Variants in USO1 observed in about 807,000 individuals in gnomAD.
USO1 encodes general vesicular transport factor p115.
USO1 carries 57 observed loss-of-function variants against 124.5 expected under a neutral mutation model. The observed-to-expected ratio is 0.46, with a 90% confidence interval of 0.37 to 0.57. The LOEUF is 0.57. USO1 is among the 20% of genes least tolerant of loss of function. USO1 has a pLI of 0.00. For synonymous variants in USO1, 369 were observed against 362.8 expected (o/e 1.02, Z -0.19); for missense variants, 900 against 1,040.6 (o/e 0.86, Z 1.86).
intron 4 of USO1, among the ~76,000 whole-genome samples, chr4:75,760,024 C>T (rs1257683620): frequency 6.6e-6 from 1 of 151,898 alleles, no homozygotes; most frequent in Non-Finnish European, 1.5e-5. Flanking sequence ...CCAGTCTCAC[C>T]AACATGGTGA....
In USO1 at chr4:75,739,536, T is replaced by C. The variant is rs1222779971; in HGVS notation, c.67-12837T>C. Among the ~76,000 whole-genome samples, 5 of 127,960 alleles carry C rather than the reference T, an allele frequency of 3.9e-5. No individual in the cohort carries two copies. In the South Asian group the frequency reaches 1.0e-3, roughly 27 times the overall value. The allele number at this position is 127,960 out of a possible 152,430, so 83.9% of individuals were successfully genotyped here. On this transcript the variant is annotated intron_variant, in intron 1 of 23. Coordinates refer to ENST00000514213, the MANE Select transcript of USO1 (RefSeq NM_003715.4). The stretch of plus-strand genomic sequence containing the variant: ...TTTTGCATTTTTGTATTTTATCTTT[T>C]TCTTTTTTTTTTTTTTTTTTTTGAG...
intron 1 of USO1, among the ~76,000 whole-genome samples, chr4:75,746,008 T>G (rs148542444): frequency 2.0e-4 from 30 of 152,366 alleles, no homozygotes; most frequent in African/African-American, 7.2e-4. Flanking sequence ...TAAAAATTTA[T>G]GTCTTTGTCT....
At chr4:75,731,081 T>C (rs1720618314) in intron 1 of USO1, among the ~76,000 whole-genome samples, 1 of 152,200 alleles carries the variant, frequency 6.6e-6, no homozygotes, top group South Asian at 2.1e-4. Context: ...AGCAGTATAT[T>C]ACTTGGCTGA....
chr4:75,796,490 C>T (rs886213599), intron 13 of USO1, among the ~76,000 whole-genome samples: 2 of 151,808 alleles, frequency 1.3e-5, no homozygotes, highest in African/African-American at 4.8e-5. Flanking sequence ...TGCGCACCAC[C>T]ACACCCAGCG....
chr4:75,790,010 C>T (rs1722482758), intron 10 of USO1, 140 bp from the exon 11 acceptor site: 1 of 935,596 alleles, frequency 1.1e-6, no homozygotes, highest in South Asian at 2.6e-5. Context: ...AACTAACCTG[C>T]ACAATGTGCA....
chr4:75,800,538 A>G (rs1366688339), intron 15 of USO1, 69 bp downstream of exon 15: 3 of 1,499,926 alleles, frequency 2.0e-6, no homozygotes, highest in Non-Finnish European at 2.7e-6. Flanking sequence ...TTTTTTGCCA[A>G]AGCATTATGT....
At chr4:75,727,860 C>T (rs1720509697) in intron 1 of USO1, among the ~76,000 whole-genome samples, 2 of 152,180 alleles carry the variant, frequency 1.3e-5, no homozygotes, top group Non-Finnish European at 2.9e-5. Context: ...CTAATCTGTA[C>T]TTTCCCCCAG....
intron 10 of USO1, among the ~76,000 whole-genome samples, chr4:75,788,080 T>G (rs1378534379): frequency 1.3e-5 from 2 of 152,030 alleles, no homozygotes; most frequent in East Asian, 3.8e-4. Flanking sequence ...TGGGAATTTT[T>G]TTTGCCATCT....
chr4:75,797,117 T>TGA (rs1379342129), intron 13 of USO1, among the ~76,000 whole-genome samples: 3 of 152,124 alleles, frequency 2.0e-5, no homozygotes, highest in African/African-American at 7.2e-5. Context: ...AAGGCTGCAG[T>TGA]GAGCTATGAT....
At chr4:75,806,024 T>C (rs2149193688) in intron 19 of USO1, among the ~76,000 whole-genome samples, 1 of 152,248 alleles carries the variant, frequency 6.6e-6, no homozygotes, top group Admixed American at 6.5e-5. Context: ...AGAGTCTCGC[T>C]CTGTTAGCCC....
chr4:75,777,824 A>G (rs1434663044), intron 8 of USO1, among the ~76,000 whole-genome samples: 1 of 152,158 alleles, frequency 6.6e-6, no homozygotes, highest in Non-Finnish European at 1.5e-5. Flanking sequence ...CTCAACAATC[A>G]CGCTCTTTGG....
At chr4:75,752,176 T>A (rs1721312184) in intron 1 of USO1, among the ~76,000 whole-genome samples, 197 bp from the exon 2 acceptor site, 1 of 152,212 alleles carries the variant, frequency 6.6e-6, no homozygotes. Flanking sequence ...CCTCCCACTT[T>A]TTAAGTCTCT....
chr4:75,813,072 C>T, intron 23 of USO1, 134 bp from the exon 24 acceptor site: 1 of 864,556 alleles, frequency 1.2e-6, no homozygotes, highest in Non-Finnish European at 1.6e-6. Flanking sequence ...GAGATCGCAC[C>T]ATTGCACTCC....
At chr4:75,759,530 G>A (rs1211075433) in intron 4 of USO1, among the ~76,000 whole-genome samples, 2 of 151,460 alleles carry the variant, frequency 1.3e-5, no homozygotes, top group Admixed American at 1.3e-4. Flanking sequence ...GGAGGTACAG[G>A]TTGGAGTGAG....
At chr4:75,752,814 C>T (rs1369159775) in intron 3 of USO1, among the ~76,000 whole-genome samples, 2 of 152,166 alleles carry the variant, frequency 1.3e-5, no homozygotes, top group African/African-American at 4.8e-5. Flanking sequence ...GTGTGAGCCA[C>T]TGCGCCTGGC....
intron 4 of USO1, among the ~76,000 whole-genome samples, chr4:75,768,901 A>G (rs1721844223): frequency 6.6e-6 from 1 of 152,214 alleles, no homozygotes; most frequent in African/African-American, 2.4e-5. Flanking sequence ...TACTTGGTAT[A>G]TGCACTTGGA....
chr4:75,771,073 A>G lies in USO1; in HGVS notation c.500-9A>G, dbSNP rs968899370. 2 of 1,610,014 alleles carry G rather than the reference A, an allele frequency of 1.2e-6. No homozygotes were observed. Among genetic ancestry groups the G allele is most frequent in the African/African-American group, 1.3e-5 (1 of 74,638 alleles). ...CTGCCAGCATTTTTCACATGGTTGT[A>G]TGTTCTAGGTGTTTCAAGATTGATG... On this transcript the variant is annotated splice_polypyrimidine_tract_variant and intron_variant, in intron 6 of 23. Coordinates refer to ENST00000514213, the MANE Select transcript of USO1 (RefSeq NM_003715.4).
chr4:75,760,522 A>G (rs919144668), intron 4 of USO1: 2 of 393,818 alleles, frequency 5.1e-6, no homozygotes, highest in African/African-American at 2.1e-5. Context: ...TTTTACGTGT[A>G]TACTACTACA....
At chr4:75,736,237 T>TATATTTGTATTAGC (rs962942789) in intron 1 of USO1, among the ~76,000 whole-genome samples, 1 of 151,514 alleles carries the variant, frequency 6.6e-6, no homozygotes, top group Admixed American at 6.6e-5. Flanking sequence ...TATACAAATA[T>TATATTTGTATTAGC]ATATTTGTAT....
Sources: gnomAD v4.1 joint callset for allele counts (sites outside exome capture counted in the v4.1 genomes callset) on GRCh38, gnomAD v4.1.1 for gene constraint, MANE v1.5 for transcripts, NCBI Gene and HGNC (gene_info 2026-07-23, HGNC 2026-07-21) for gene names.